GNAI1: variants seen among roughly 807,000 people sequenced by gnomAD.
GNAI1 encodes the protein guanine nucleotide-binding protein G(i) subunit alpha-1.
In GNAI1, 11 loss-of-function variants were observed where a neutral mutation model predicts 38.9. The observed-to-expected ratio is 0.28, with a 90% confidence interval of 0.18 to 0.47. The LOEUF (loss-of-function observed/expected upper bound fraction) is 0.47, where lower values mean the gene tolerates loss of function less well. GNAI1 is among the 20% of genes least tolerant of loss of function. GNAI1 has a pLI of 0.99. For synonymous variants in GNAI1, 166 were observed against 145.1 expected, an observed-to-expected ratio of 1.14 and a Z score of -1.04; for missense variants, 317 against 436.9, an observed-to-expected ratio of 0.73 and a Z score of 2.45.
intron 7 of GNAI1, 35 bp from the exon 8 acceptor site, chr7:80,217,268 T>C: frequency 2.2e-6 from 2 of 928,926 alleles, no homozygotes; most frequent in Non-Finnish European, 2.9e-6. Flanking sequence ...ATTTTAACTT[T>C]TTGCATTTAT....
chr7:80,216,989 C>CAGAGGATA (rs1329715130), intron 7 of GNAI1, among the ~76,000 whole-genome samples: 1 of 151,868 alleles, frequency 6.6e-6, no homozygotes, highest in East Asian at 1.9e-4. Context: ...GTGTAGAGGA[C>CAGAGGATA]AGAGGATAAG....
chr7:80,219,569 C>T lies in GNAI1; in HGVS notation c.*2076C>T, dbSNP rs1270884679. Among the ~76,000 whole-genome samples, 1 of 152,122 alleles carries T rather than the reference C, an allele frequency of 6.6e-6. No homozygotes were observed. The highest frequency in any genetic ancestry group is 1.5e-5 in the Non-Finnish European group (1 of 68,032). On this transcript the variant is annotated 3_prime_UTR_variant, in exon 8 of 8. Transcript: ENST00000649796. Reference sequence around the variant, plus strand: ...GTGATGCCACATTTGGAATTGCCTTCTTGATATCCCCTTCTGAGAATGCAT... The same window carrying T: ...GTGATGCCACATTTGGAATTGCCTTTTTGATATCCCCTTCTGAGAATGCAT...
chr7:80,206,764 C>A (rs1445966858), intron 5 of GNAI1, among the ~76,000 whole-genome samples: 1 of 151,928 alleles, frequency 6.6e-6, no homozygotes, highest in Non-Finnish European at 1.5e-5. Flanking sequence ...TAGTACTGAA[C>A]CCTATATACA....
chr7:80,142,973 A>G (rs1787551878), intron 1 of GNAI1, among the ~76,000 whole-genome samples: 1 of 152,128 alleles, frequency 6.6e-6, no homozygotes, highest in African/African-American at 2.4e-5. Context: ...TGCATACACT[A>G]TTGCAATGTG....
In GNAI1 at chr7:80,221,044, A is replaced by G. The variant is rs1019656480; in HGVS notation, c.*3551A>G. Among the ~76,000 whole-genome samples, 8 of 152,188 alleles carry G rather than the reference A, an allele frequency of 5.3e-5. No individual in the cohort carries two copies. The highest frequency in any genetic ancestry group is 2.1e-4 in the South Asian group (1 of 4,826). On this transcript the variant is annotated 3_prime_UTR_variant, in exon 8 of 8. Coordinates refer to ENST00000649796, the MANE Select transcript of GNAI1 (RefSeq NM_002069.6). ...CCGTTTGCAGAACCACCTTATGTAA[A>G]TGAATTTAGTTGATACTGTAATCAT...
intron 1 of GNAI1, among the ~76,000 whole-genome samples, chr7:80,142,425 T>A (rs1181793147): frequency 6.6e-6 from 1 of 152,230 alleles, no homozygotes; most frequent in Admixed American, 6.5e-5. Context: ...TTTATTGACA[T>A]TTTTCCTGAT....
At chr7:80,202,811 A>G (rs530152097) in intron 4 of GNAI1, among the ~76,000 whole-genome samples, 1 of 152,316 alleles carries the variant, frequency 6.6e-6, no homozygotes, top group East Asian at 1.9e-4. Flanking sequence ...AAGGCTTTAT[A>G]TAGCTTACTA....
intron 1 of GNAI1, among the ~76,000 whole-genome samples, chr7:80,137,453 C>T (rs1028322593): frequency 3.3e-5 from 5 of 150,624 alleles, no homozygotes; most frequent in Admixed American, 6.6e-5. Flanking sequence ...CCCGAGTACC[C>T]GGGACTACAG....
At chr7:80,181,543 G>A (rs1050359225) in intron 1 of GNAI1, among the ~76,000 whole-genome samples, 15 of 152,138 alleles carry the variant, frequency 9.9e-5, no homozygotes, top group African/African-American at 3.6e-4. Flanking sequence ...TCAAATTTTA[G>A]AAACATTTTG....
At chr7:80,159,047 G>A (rs1342803878) in intron 1 of GNAI1, among the ~76,000 whole-genome samples, 1 of 152,172 alleles carries the variant, frequency 6.6e-6, no homozygotes, top group Non-Finnish European at 1.5e-5. Flanking sequence ...TGAATTTGCT[G>A]TGTCTATCTT....
chr7:80,152,839 G>A (rs1584011217), intron 1 of GNAI1, among the ~76,000 whole-genome samples: 2 of 151,742 alleles, frequency 1.3e-5, no homozygotes, highest in African/African-American at 4.8e-5. Context: ...CCAAAGTGCT[G>A]GGATTACAGG....
intron 1 of GNAI1, among the ~76,000 whole-genome samples, chr7:80,149,642 A>T (rs1220259109): frequency 6.6e-6 from 1 of 152,146 alleles, no homozygotes; most frequent in Non-Finnish European, 1.5e-5. Flanking sequence ...TTTGAGATTC[A>T]TCAGAACCTG....
chr7:80,197,855 G>C lies in GNAI1; in HGVS notation c.304-1370G>C, dbSNP rs561601482. Among the ~76,000 whole-genome samples, 14 of 152,196 alleles carry C rather than the reference G, an allele frequency of 9.2e-5. No individual in the cohort carries two copies. In the South Asian group the frequency reaches 2.9e-3, roughly 32 times the overall value. The stretch of plus-strand genomic sequence containing the variant: ...CAGCATGAATTTATATTGTCAGCTA[G>C]TACACTCTGCTAGCCTGTGTCACCA... On this transcript the variant is annotated intron_variant, in intron 3 of 7. Coordinates refer to ENST00000649796, the MANE Select transcript of GNAI1 (RefSeq NM_002069.6).
intron 1 of GNAI1, among the ~76,000 whole-genome samples, chr7:80,151,768 C>T (rs1787731814): frequency 6.6e-6 from 1 of 152,206 alleles, no homozygotes; most frequent in South Asian, 2.1e-4. Context: ...CTGCTACAGA[C>T]TGTGTCAAAG....
chr7:80,140,931 TTTCA>T (rs1205250581), intron 1 of GNAI1, among the ~76,000 whole-genome samples: 1 of 152,160 alleles, frequency 6.6e-6, no homozygotes, highest in African/African-American at 2.4e-5. Flanking sequence ...GGCTGCCTGC[TTTCA>T]TTGGCTCATG....
At chr7:80,201,593 C>G (rs546251469) in intron 4 of GNAI1, among the ~76,000 whole-genome samples, 2 of 152,086 alleles carry the variant, frequency 1.3e-5, no homozygotes, top group East Asian at 3.9e-4. Flanking sequence ...GCATGGTGGC[C>G]CATCCCTGTA....
intron 1 of GNAI1, among the ~76,000 whole-genome samples, chr7:80,157,454 A>T (rs1787838265): frequency 6.6e-6 from 1 of 152,066 alleles, no homozygotes; most frequent in African/African-American, 2.4e-5. Flanking sequence ...CCTTTGTGTA[A>T]ATACTAAGGG....
At chr7:80,154,168 C>A (rs1339003079) in intron 1 of GNAI1, among the ~76,000 whole-genome samples, 1 of 152,132 alleles carries the variant, frequency 6.6e-6, no homozygotes, top group East Asian at 1.9e-4. Context: ...AGTAGTCTGC[C>A]CACCTTGGCC....
At chr7:80,209,861 T>C (rs918574746) in intron 5 of GNAI1, among the ~76,000 whole-genome samples, 1 of 152,198 alleles carries the variant, frequency 6.6e-6, no homozygotes, top group Non-Finnish European at 1.5e-5. Context: ...ACTCTGTGAT[T>C]TAGTTTGTGG....
Sources: allele counts gnomAD v4.1 joint callset (sites outside exome capture counted in the v4.1 genomes callset), GRCh38; gene constraint gnomAD v4.1.1; transcripts MANE v1.5; gene names NCBI Gene and HGNC (gene_info 2026-07-23, HGNC 2026-07-21).